Variants in NABP1 observed in about 807,000 individuals in gnomAD.
NABP1 encodes the protein SOSS complex subunit B2.
A neutral mutation model predicts 25.0 loss-of-function variants in NABP1; 18 were observed. The observed-to-expected ratio is 0.72, with a 90% CI of 0.50 to 1.07. The LOEUF is 1.07. NABP1 is among the 50% of genes least tolerant of loss of function. The pLI, the probability that NABP1 is intolerant of heterozygous loss-of-function variation, is 0.00. For missense variants in NABP1, 270 were observed against 255.6 expected (o/e 1.06, Z -0.39); for synonymous variants, 71 against 85.0 (o/e 0.84, Z 0.91).
At position 191,685,958 on chromosome 2, in the gene NABP1, A is replaced by G; in HGVS notation, c.*190A>G. On this transcript the variant is annotated 3_prime_UTR_variant, in exon 6 of 6. Coordinates refer to ENST00000425611, the MANE Select transcript of NABP1 (RefSeq NM_001031716.5). ...AGCTGCTCGAGTCTCCTGTTGAAGA[A>G]TGGGAACACTGAAAAGTAGGGGCAT... 1.9e-6 allele frequency: 1 copy of G among 523,434 alleles called. No individual in the cohort carries two copies. Among genetic ancestry groups the G allele is most frequent in the South Asian group, 2.6e-5 (1 of 37,918 alleles). 32.4% of individuals were successfully genotyped at this position (523,434 alleles called of 1,614,324 possible).
rs1406643213 is a variant in NABP1 at position 191,678,683 on chromosome 2, C to T, written c.69C>T (p.Val23=). The part of the protein sequence containing the change: ...DIKPGLKNLN[V]VFIVLEIGRV... ...AGCCCGGACTGAAAAACTTAAATGTCGTCTTTATTGTCCTGGAGATAGGTA... is the reference window on the plus strand; with the variant it reads ...AGCCCGGACTGAAAAACTTAAATGTTGTCTTTATTGTCCTGGAGATAGGTA... The change falls in exon 1 of 6, where the codon GTC becomes GTT. Residue 23 remains valine (V), a synonymous_variant. Transcript: ENST00000425611. 1.9e-6 allele frequency: 3 copies of T among 1,613,550 alleles called. No homozygotes were observed. Among genetic ancestry groups the T allele is most frequent in the South Asian group, 1.1e-5 (1 of 91,038 alleles).
At position 191,686,342 on chromosome 2, in the gene NABP1, T is replaced by G. The variant is rs1687822350; in HGVS notation, c.*574T>G. 6.6e-6 allele frequency: 1 copy of G among 152,288 alleles called. No individual in the cohort carries two copies. The highest frequency in any genetic ancestry group is 1.5e-5 in the Non-Finnish European group (1 of 68,094). 9.4% of individuals were successfully genotyped at this position (152,288 alleles called of 1,614,324 possible). ...AAAAAAACAGATTCCTTATCAGAAT[T>G]TGGAATAGAATGTGATCTCTATTGC... On this transcript the variant is annotated 3_prime_UTR_variant, in exon 6 of 6. Coordinates refer to ENST00000425611, the MANE Select transcript of NABP1 (RefSeq NM_001031716.5).
chr2:191,680,610 C>T (rs1330929051), intron 2 of NABP1, among the ~76,000 whole-genome samples: 2 of 152,108 alleles, frequency 1.3e-5, no homozygotes, highest in African/African-American at 4.8e-5. Flanking sequence ...CATCTTATTT[C>T]AAGTATTTCA....
At position 191,681,975 on chromosome 2, in the gene NABP1, C is replaced by T. The variant is rs1037864483; in HGVS notation, c.260C>T (p.Thr87Ile). 22 of 1,514,476 alleles carry T rather than the reference C, an allele frequency of 1.5e-5. No homozygotes were observed. Among genetic ancestry groups the T allele is most frequent in the Middle Eastern group, 1.8e-4 (1 of 5,576 alleles). 93.8% of individuals were successfully genotyped at this position (1,514,476 alleles called of 1,614,324 possible). ...GYASMWKGCL[T>I]LYTGRGGELQ... ...GCATCCATGTGGAAAGGATGTCTGA[C>T]ACTTTATACTGGAAGGGGTGGTGAA... The change falls in exon 3 of 6, where the codon ACA becomes ATA. Residue 87 changes from threonine (T) to isoleucine (I), a missense_variant. Thr to Ile is a moderately conservative substitution (Grantham distance 89, BLOSUM62 -1). Transcript: ENST00000425611.
rs200296899 is a variant in NABP1, at chr2:191,679,123, C to G, written c.225C>G (p.Thr75=). The change falls in exon 2 of 6, where the codon ACC becomes ACG. Residue 75 remains threonine, a synonymous_variant. Transcript: ENST00000425611. ...AGCCAGGGGATATTATTCGGTTGAC[C>G]AGAGGGTAGGTGTGCAAAAAAGTCG... ...LIQPGDIIRL[T]RGYASMWKGC... The G allele has an allele frequency of 1.9e-6, 3 of 1,614,044 alleles. No individual in the cohort carries two copies. The African/African-American group carries it at 4.0e-5, about 22-fold the overall frequency.
rs538014867 is a variant in NABP1 at position 191,678,535 on chromosome 2, C to T, written c.-80C>T. On this transcript the variant is annotated 5_prime_UTR_variant, in exon 1 of 6. Coordinates refer to ENST00000425611, the MANE Select transcript of NABP1 (RefSeq NM_001031716.5). Reference sequence around the variant, plus strand: ...CCCAAGGTCGCCCCTCTGCCTTCGCCCCTGTCCCGGGAGGGTGGGAAGCTT... The same window carrying T: ...CCCAAGGTCGCCCCTCTGCCTTCGCTCCTGTCCCGGGAGGGTGGGAAGCTT... 2.8e-4 allele frequency: 299 copies of T among 1,057,726 alleles called. No homozygotes were observed. Among genetic ancestry groups the T allele is most frequent in the Non-Finnish European group, 3.8e-4 (271 of 715,046 alleles). The allele number at this position is 1,057,726 out of a possible 1,614,324, so 65.5% of individuals were successfully genotyped here.
At chr2:191,682,539 A>G (rs1225834455) in intron 3 of NABP1, 2 of 471,092 alleles carry the variant, frequency 4.2e-6, no homozygotes, top group South Asian at 3.1e-5. Flanking sequence ...ATACACTACT[A>G]CCCTGGTAAT....
In NABP1 at chr2:191,678,988, A is replaced by G; in HGVS notation, c.92-2A>G. The G allele has an allele frequency of 1.2e-6, 2 of 1,614,230 alleles. No homozygotes were observed. The highest frequency in any genetic ancestry group is 1.7e-6 in the Non-Finnish European group (2 of 1,180,032). The stretch of plus-strand genomic sequence containing the variant: ...CTCCCTTTGATTTTTAAATCCTCAC[A>G]GGACGCGTGACCAAAACCAAAGACG... On this transcript the variant is annotated splice_acceptor_variant, in intron 1 of 5. Transcript: ENST00000425611. LOFTEE classifies it high-confidence loss of function.
At chr2:191,684,186 T>G in intron 4 of NABP1, 44 bp from the exon 5 acceptor site, 1 of 1,194,312 alleles carries the variant, frequency 8.4e-7, no homozygotes, top group South Asian at 1.4e-5. Flanking sequence ...ATAATATAAT[T>G]GTGTTTTTAT....
chr2:191,685,829 A>G lies in NABP1; in HGVS notation c.*61A>G. 2.0e-6 allele frequency: 3 copies of G among 1,474,538 alleles called. No homozygotes were observed. The South Asian group carries it at 3.6e-5, about 18-fold the overall frequency. 91.3% of individuals were successfully genotyped at this position (1,474,538 alleles called of 1,614,324 possible). The stretch of plus-strand genomic sequence containing the variant: ...CATGCCCTACTTGAACACTTATTGC[A>G]CTTTTATTTATTGTTAACTGTGAAA... On this transcript the variant is annotated 3_prime_UTR_variant, in exon 6 of 6. Coordinates refer to ENST00000425611, the MANE Select transcript of NABP1 (RefSeq NM_001031716.5).
chr2:191,685,961 G>T lies in NABP1; in HGVS notation c.*193G>T. 1 of 512,342 alleles carries T rather than the reference G, an allele frequency of 2.0e-6. No individual in the cohort carries two copies. Among genetic ancestry groups the T allele is most frequent in the Non-Finnish European group, 3.4e-6 (1 of 296,506 alleles). The allele number at this position is 512,342 out of a possible 1,614,324, so 31.7% of individuals were successfully genotyped here. A position where few individuals can be genotyped will look rare whatever the true frequency, so the allele number is the denominator to read the frequency against. On this transcript the variant is annotated 3_prime_UTR_variant, in exon 6 of 6. Transcript: ENST00000425611. ...TGCTCGAGTCTCCTGTTGAAGAATG[G>T]GAACACTGAAAAGTAGGGGCATTTA...
At position 191,683,884 on chromosome 2, in the gene NABP1, C is replaced by T; in HGVS notation, c.378+80C>T. 2 of 1,058,282 alleles carry T rather than the reference C, an allele frequency of 1.9e-6. No individual in the cohort carries two copies. Among genetic ancestry groups the T allele is most frequent in the Non-Finnish European group, 2.8e-6 (2 of 710,812 alleles). 65.6% of individuals were successfully genotyped at this position (1,058,282 alleles called of 1,614,324 possible). A position where few individuals can be genotyped will look rare whatever the true frequency, so the allele number is the denominator to read the frequency against. ...TATGATTAGGCTAGCCCTGTTGATACTTAGTATAAAGAAGATAATTTTTAA... is the reference window on the plus strand; with the variant it reads ...TATGATTAGGCTAGCCCTGTTGATATTTAGTATAAAGAAGATAATTTTTAA... On this transcript the variant is annotated intron_variant, in intron 4 of 5. Transcript: ENST00000425611. The surrounding 1 kb of genome is among the most constrained non-coding windows in gnomAD (Gnocchi z 4.1).
In NABP1 at chr2:191,678,651, G is replaced by A. The variant is rs770666073; in HGVS notation, c.37G>A (p.Asp13Asn). 2.3e-5 allele frequency: 37 copies of A among 1,613,698 alleles called. No homozygotes were observed. Among genetic ancestry groups the A allele is most frequent in the Non-Finnish European group, 3.1e-5 (37 of 1,179,894 alleles). The change falls in exon 1 of 6, where the codon GAT becomes AAT. Residue 13 changes from aspartate to asparagine, a missense_variant. Asp to Asn is a conservative substitution (Grantham distance 23, BLOSUM62 1). Coordinates refer to ENST00000425611, the MANE Select transcript of NABP1 (RefSeq NM_001031716.5). Reference sequence around the variant, plus strand: ...CAACGACCCACTTATTTTTATAAGAGATATTAAGCCCGGACTGAAAAACTT... The same window carrying A: ...CAACGACCCACTTATTTTTATAAGAAATATTAAGCCCGGACTGAAAAACTT... ...RVNDPLIFIR[D>N]IKPGLKNLNV... is the part of the protein sequence containing the mutation.
chr2:191,678,529 C>G lies in NABP1; in HGVS notation c.-86C>G. The G allele has an allele frequency of 1.0e-6, 1 of 981,498 alleles. No homozygotes were observed. The highest frequency in any genetic ancestry group is 1.5e-6 in the Non-Finnish European group (1 of 655,532). 60.8% of individuals were successfully genotyped at this position (981,498 alleles called of 1,614,324 possible). ...CCCCTGCCCAAGGTCGCCCCTCTGC[C>G]TTCGCCCCTGTCCCGGGAGGGTGGG... On this transcript the variant is annotated 5_prime_UTR_variant, in exon 1 of 6. Coordinates refer to ENST00000425611, the MANE Select transcript of NABP1 (RefSeq NM_001031716.5).
Position 191,683,897 on chromosome 2 carries a change from A to G in NABP1, c.378+93A>G. Reference sequence around the variant, plus strand: ...GCCCTGTTGATACTTAGTATAAAGAAGATAATTTTTAAAAGGATACTTAAT... The same window carrying G: ...GCCCTGTTGATACTTAGTATAAAGAGGATAATTTTTAAAAGGATACTTAAT... On this transcript the variant is annotated intron_variant, in intron 4 of 5. Coordinates refer to ENST00000425611, the MANE Select transcript of NABP1 (RefSeq NM_001031716.5). The surrounding 1 kb of genome is among the most constrained non-coding windows in gnomAD (Gnocchi z 4.1). The G allele has an allele frequency of 1.0e-6, 1 of 979,214 alleles. No homozygotes were observed. The highest frequency in any genetic ancestry group is 1.5e-6 in the Non-Finnish European group (1 of 650,566). The allele number at this position is 979,214 out of a possible 1,614,324, so 60.7% of individuals were successfully genotyped here.
At position 191,683,832 on chromosome 2, in the gene NABP1, A is replaced by C. The variant is rs1687747512; in HGVS notation, c.378+28A>C. Reference sequence around the variant, plus strand: ...AATTGTGTAGTATACTTTTATGATTAGGCTAATTTTGACTGTGTTATAATT... The same window carrying C: ...AATTGTGTAGTATACTTTTATGATTCGGCTAATTTTGACTGTGTTATAATT... On this transcript the variant is annotated intron_variant, in intron 4 of 5. Coordinates refer to ENST00000425611, the MANE Select transcript of NABP1 (RefSeq NM_001031716.5). This position sits in a 1 kb window ranked among gnomAD's most constrained non-coding sequence, Gnocchi z 4.1. 6.5e-7 allele frequency: 1 copy of C among 1,532,298 alleles called. No homozygotes were observed. The highest frequency in any genetic ancestry group is 8.9e-7 in the Non-Finnish European group (1 of 1,118,416). 94.9% of individuals were successfully genotyped at this position (1,532,298 alleles called of 1,614,324 possible). A position where few individuals can be genotyped will look rare whatever the true frequency, so the allele number is the denominator to read the frequency against.
rs1687808714 is a variant in NABP1 at position 191,685,937 on chromosome 2, G to T, written c.*169G>T. On this transcript the variant is annotated 3_prime_UTR_variant, in exon 6 of 6. Coordinates refer to ENST00000425611, the MANE Select transcript of NABP1 (RefSeq NM_001031716.5). ...GTTTTTATAGCAAAACTGTTAAGCT[G>T]CTCGAGTCTCCTGTTGAAGAATGGG... 1.2e-5 allele frequency: 7 copies of T among 575,398 alleles called. No homozygotes were observed. The South Asian group carries it at 1.5e-4, about 12-fold the overall frequency. 35.6% of individuals were successfully genotyped at this position (575,398 alleles called of 1,614,324 possible).
In NABP1 at chr2:191,681,951, C is replaced by T; in HGVS notation, c.236C>T (p.Ala79Val). 5.9e-6 allele frequency: 9 copies of T among 1,516,330 alleles called. No individual in the cohort carries two copies. The highest frequency in any genetic ancestry group is 7.9e-6 in the Non-Finnish European group (9 of 1,135,268). 93.9% of individuals were successfully genotyped at this position (1,516,330 alleles called of 1,614,324 possible). The change falls in exon 3 of 6, where the codon GCA (alanine) becomes GTA (valine). Residue 79 changes from alanine to valine, a missense_variant. Coordinates refer to ENST00000425611, the MANE Select transcript of NABP1 (RefSeq NM_001031716.5). ...GDIIRLTRGY[A>V]SMWKGCLTLY... The stretch of plus-strand genomic sequence containing the variant: ...AATGTTTCTTTTCTCTCTAGGTATG[C>T]ATCCATGTGGAAAGGATGTCTGACA...
Position 191,683,896 on chromosome 2 carries a change from A to C in NABP1, c.378+92A>C. ...AGCCCTGTTGATACTTAGTATAAAGAAGATAATTTTTAAAAGGATACTTAA... is the reference window on the plus strand; with the variant it reads ...AGCCCTGTTGATACTTAGTATAAAGCAGATAATTTTTAAAAGGATACTTAA... On this transcript the variant is annotated intron_variant, in intron 4 of 5. Transcript: ENST00000425611. The surrounding 1 kb of genome is among the most constrained non-coding windows in gnomAD (Gnocchi z 4.1). 1 of 988,542 alleles carries C rather than the reference A, an allele frequency of 1.0e-6. No homozygotes were observed. The highest frequency in any genetic ancestry group is 1.5e-6 in the Non-Finnish European group (1 of 657,812). 61.2% of individuals were successfully genotyped at this position (988,542 alleles called of 1,614,324 possible).
Sources: gnomAD v4.1 joint callset for allele counts (sites outside exome capture counted in the v4.1 genomes callset) on GRCh38, gnomAD v4.1.1 for gene constraint, Gnocchi (gnomAD v3.1) non-coding constraint, MANE v1.5 for transcripts, NCBI Gene and HGNC (gene_info 2026-07-23, HGNC 2026-07-21) for gene names.